CALN1: variants seen among roughly 807,000 people sequenced by gnomAD.
CALN1 encodes calcium-binding protein 8.
A neutral mutation model predicts 30.6 loss-of-function variants in CALN1; 17 were observed. That is an observed-to-expected ratio of 0.56 (90% CI 0.38 to 0.83). CALN1 has a LOEUF of 0.83. Among genes scored for constraint, CALN1 ranks in the 40% least tolerant of loss-of-function variants. CALN1 has a pLI of 0.00. For synonymous variants in CALN1, 156 were observed against 131.4 expected (o/e 1.19, Z -1.28); for missense variants, 291 against 354.9 (o/e 0.82, Z 1.45).
At chr7:72,288,895 C>A (rs1389179993) in intron 2 of CALN1, among the ~76,000 whole-genome samples, 1 of 152,150 alleles carries the variant, frequency 6.6e-6, no homozygotes, top group African/African-American at 2.4e-5. Flanking sequence ...GTAAACTTTT[C>A]CACAAGTTTG....
intron 2 of CALN1, among the ~76,000 whole-genome samples, chr7:72,401,240 CTG>C (rs549386666): frequency 1.4e-3 from 211 of 152,284 alleles, no homozygotes; most frequent in Non-Finnish European, 2.7e-3. Context: ...GCAATGCACT[CTG>C]AGAGATAACA....
At chr7:72,354,917 T>A (rs980409018) in intron 2 of CALN1, among the ~76,000 whole-genome samples, 2 of 151,514 alleles carry the variant, frequency 1.3e-5, no homozygotes, top group South Asian at 2.1e-4. Context: ...TTTTTTTTTT[T>A]AATTTCCCTT....
At chr7:72,130,272 A>T (rs759278253) in intron 3 of CALN1, among the ~76,000 whole-genome samples, 6 of 152,236 alleles carry the variant, frequency 3.9e-5, no homozygotes, top group Non-Finnish European at 8.8e-5. Flanking sequence ...CTACAGCAAC[A>T]CAAAATGGAC....
chr7:72,222,124 G>A (rs1217914357), intron 3 of CALN1, among the ~76,000 whole-genome samples: 1 of 152,124 alleles, frequency 6.6e-6, no homozygotes, highest in East Asian at 1.9e-4. Flanking sequence ...TACTTGGGAG[G>A]CTGAGGCAGG....
chr7:71,868,361 T>G (rs1584407583), intron 5 of CALN1, among the ~76,000 whole-genome samples: 1 of 146,714 alleles, frequency 6.8e-6, no homozygotes, highest in South Asian at 2.1e-4. Context: ...GGGGAGGAAG[T>G]GCTACACACT....
chr7:71,788,774 C>A (rs1331461903), intron 6 of CALN1, among the ~76,000 whole-genome samples: 7 of 152,088 alleles, frequency 4.6e-5, no homozygotes, highest in Non-Finnish European at 1.0e-4. Flanking sequence ...TCTCCTGTCT[C>A]AGCCTCCTGA....
chr7:72,113,191 T>C (rs1010922628), intron 3 of CALN1, among the ~76,000 whole-genome samples: 1 of 152,168 alleles, frequency 6.6e-6, no homozygotes, highest in Non-Finnish European at 1.5e-5. Flanking sequence ...AGATCCTGCA[T>C]GAACAGATCA....
chr7:72,264,213 A>G (rs1185593358), intron 3 of CALN1, among the ~76,000 whole-genome samples: 1 of 152,184 alleles, frequency 6.6e-6, no homozygotes, highest in East Asian at 1.9e-4. Context: ...CTTTACAAGG[A>G]AAAGTCGCTC....
At chr7:71,973,698 A>T (rs1408053348) in intron 5 of CALN1, among the ~76,000 whole-genome samples, 1 of 151,936 alleles carries the variant, frequency 6.6e-6, no homozygotes, top group East Asian at 1.9e-4. Context: ...TTTAAGATGC[A>T]TGATAATTTG....
At chr7:72,399,987 G>A (rs779216461) in intron 2 of CALN1, among the ~76,000 whole-genome samples, 3 of 152,084 alleles carry the variant, frequency 2.0e-5, no homozygotes, top group East Asian at 1.9e-4. Context: ...CCCCCTTTGC[G>A]TTCCACTATG....
intron 5 of CALN1, among the ~76,000 whole-genome samples, chr7:71,931,700 A>G (rs1795562232): frequency 6.6e-6 from 1 of 152,254 alleles, no homozygotes; most frequent in South Asian, 2.1e-4. Flanking sequence ...ACTGAGGGAT[A>G]CAGTGCAATC....
At chr7:72,300,671 G>A (rs950975200) in intron 2 of CALN1, among the ~76,000 whole-genome samples, 26 of 152,144 alleles carry the variant, frequency 1.7e-4, no homozygotes, top group African/African-American at 6.3e-4. Context: ...ACAGATGTAT[G>A]TATTTAAGTA....
chr7:71,959,630 T>A (rs1797137636), intron 5 of CALN1, among the ~76,000 whole-genome samples: 1 of 152,068 alleles, frequency 6.6e-6, no homozygotes, highest in African/African-American at 2.4e-5. Context: ...AGCTTTTTTT[T>A]TTTTTTAAGT....
At chr7:72,022,824 T>C (rs1384618426) in intron 5 of CALN1, among the ~76,000 whole-genome samples, 2 of 150,140 alleles carry the variant, frequency 1.3e-5, no homozygotes, top group African/African-American at 2.5e-5. Context: ...GATGGGTACC[T>C]GAATAAGACT....
intron 4 of CALN1, among the ~76,000 whole-genome samples, chr7:72,033,092 A>T (rs903779863): frequency 7.2e-5 from 11 of 152,342 alleles, no homozygotes; most frequent in African/African-American, 2.6e-4. Flanking sequence ...TAGCTTCCAA[A>T]TATCATGATC....
intron 5 of CALN1, among the ~76,000 whole-genome samples, chr7:71,858,080 C>G (rs1024669679): frequency 2.6e-5 from 4 of 152,144 alleles, no homozygotes; most frequent in African/African-American, 9.7e-5. Flanking sequence ...ATTGTAGTTC[C>G]CATAATCCCC....
chr7:72,242,320 T>C (rs1480798278), intron 3 of CALN1, among the ~76,000 whole-genome samples: 1 of 147,784 alleles, frequency 6.8e-6, no homozygotes, highest in Non-Finnish European at 1.5e-5. Context: ...CACATATCTG[T>C]TTGAGTCCCT....
chr7:71,984,512 C>T (rs778471727), intron 5 of CALN1, among the ~76,000 whole-genome samples: 38 of 152,186 alleles, frequency 2.5e-4, no homozygotes, highest in Non-Finnish European at 5.0e-4. Context: ...CTTGCCCCCA[C>T]GCACTGGAGA....
the CALN1 span, among the ~76,000 whole-genome samples, chr7:72,464,569 C>T: frequency 3.9e-5 from 6 of 152,328 alleles, no homozygotes; most frequent in South Asian, 2.1e-4. Flanking sequence ...TCCCACCAAG[C>T]CCTGCAGTTA....
Sources: gnomAD v4.1 joint callset for allele counts (sites outside exome capture counted in the v4.1 genomes callset) on GRCh38, gnomAD v4.1.1 for gene constraint, MANE v1.5 for transcripts, NCBI Gene and HGNC (gene_info 2026-07-23, HGNC 2026-07-21) for gene names.